Variants in DOCK1 observed in about 807,000 individuals in gnomAD.
The protein encoded by DOCK1 is dedicator of cytokinesis protein 1.
DOCK1 carries 138 observed loss-of-function variants against 262.7 expected under a neutral mutation model. The observed-to-expected ratio is 0.53, with a 90% CI of 0.46 to 0.61. DOCK1 has a LOEUF of 0.61. Among genes scored for constraint, DOCK1 ranks in the 20% least tolerant of loss-of-function variants. The pLI is 0.00. For synonymous variants in DOCK1, 866 were observed against 867.4 expected, an observed-to-expected ratio of 1.00 and a Z score of 0.03; for missense variants, 1,908 against 2,370.7, an observed-to-expected ratio of 0.80 and a Z score of 4.05.
intron 31 of DOCK1, among the ~76,000 whole-genome samples, chr10:127,350,236 TAAAAA>T (rs573442780): frequency 3.4e-4 from 50 of 147,060 alleles, no homozygotes; most frequent in African/African-American, 1.2e-3. Flanking sequence ...TTATGAAACT[TAAAAA>T]AAAAGTGGCG....
At chr10:127,114,904 A>T (rs1279034114) in intron 25 of DOCK1, among the ~76,000 whole-genome samples, 1 of 151,906 alleles carries the variant, frequency 6.6e-6, no homozygotes, top group Non-Finnish European at 1.5e-5. Context: ...CTACAGGCGC[A>T]TGCCACTACA....
At chr10:126,981,040 C>G (rs1318820898) in intron 3 of DOCK1, among the ~76,000 whole-genome samples, 1 of 151,652 alleles carries the variant, frequency 6.6e-6, no homozygotes, top group Admixed American at 6.6e-5. Context: ...CTCCACTTCC[C>G]GGGTTCAAGC....
intron 32 of DOCK1, among the ~76,000 whole-genome samples, chr10:127,356,967 G>A (rs890652807): frequency 1.3e-5 from 2 of 152,100 alleles, no homozygotes; most frequent in Non-Finnish European, 2.9e-5. Context: ...GGAATGGCTC[G>A]GTAACATTTC....
At chr10:127,237,984 T>G (rs2134655369) in intron 27 of DOCK1, among the ~76,000 whole-genome samples, 1 of 152,348 alleles carries the variant, frequency 6.6e-6, no homozygotes, top group African/African-American at 2.4e-5. Context: ...TTGCCATGTC[T>G]GCATTATCCC....
chr10:127,009,806 G>A (rs1341946809), intron 11 of DOCK1, among the ~76,000 whole-genome samples: 2 of 152,102 alleles, frequency 1.3e-5, no homozygotes, highest in Non-Finnish European at 2.9e-5. Context: ...TTGGGGGCCC[G>A]GAGATGTGAG....
chr10:127,385,663 T>C (rs1453522075), intron 38 of DOCK1, among the ~76,000 whole-genome samples: 1 of 152,222 alleles, frequency 6.6e-6, no homozygotes, highest in Non-Finnish European at 1.5e-5. Context: ...TGTATTCTCA[T>C]AGCTTAGTGC....
chr10:127,139,944 A>T (rs564344988), intron 27 of DOCK1, among the ~76,000 whole-genome samples: 11 of 152,312 alleles, frequency 7.2e-5, no homozygotes, highest in African/African-American at 2.4e-4. Context: ...TCTATTAGGG[A>T]TCTCTTCAAC....
intron 27 of DOCK1, among the ~76,000 whole-genome samples, chr10:127,173,700 G>T (rs1309135088): frequency 1.3e-5 from 2 of 151,918 alleles, no homozygotes; most frequent in Non-Finnish European, 1.5e-5. Flanking sequence ...TAATTTTTTT[G>T]CAGGAATGTG....
chr10:127,167,201 TAGAA>T (rs916391230), intron 27 of DOCK1, among the ~76,000 whole-genome samples: 1 of 152,178 alleles, frequency 6.6e-6, no homozygotes, highest in South Asian at 2.1e-4. Context: ...AAGAAAATGA[TAGAA>T]AGAATATGAA....
At chr10:127,213,710 G>A (rs992081626) in intron 27 of DOCK1, among the ~76,000 whole-genome samples, 6 of 152,154 alleles carry the variant, frequency 3.9e-5, no homozygotes, top group African/African-American at 9.7e-5. Context: ...TTAGGCTGCC[G>A]TGGCCAGCGT....
At chr10:126,951,263 G>A (rs942355642) in intron 1 of DOCK1, among the ~76,000 whole-genome samples, 3 of 151,502 alleles carry the variant, frequency 2.0e-5, no homozygotes, top group Non-Finnish European at 2.9e-5. Context: ...AGTGATAGTG[G>A]TGGTGGTAGT....
At chr10:127,348,129 A>T (rs1176645608) in intron 31 of DOCK1, among the ~76,000 whole-genome samples, 1 of 151,802 alleles carries the variant, frequency 6.6e-6, no homozygotes, top group Admixed American at 6.6e-5. Flanking sequence ...CAAATTGAGT[A>T]TGAGATTCGC....
intron 28 of DOCK1, among the ~76,000 whole-genome samples, chr10:127,251,528 C>T (rs1312216096): frequency 9.6e-6 from 1 of 104,472 alleles, no homozygotes; most frequent in Non-Finnish European, 1.8e-5. Context: ...CTATCCCTCC[C>T]CCCTCCCCCC....
chr10:127,308,468 G>A (rs2061953062), intron 29 of DOCK1, among the ~76,000 whole-genome samples: 1 of 152,174 alleles, frequency 6.6e-6, no homozygotes, highest in Non-Finnish European at 1.5e-5. Flanking sequence ...TTCAGAAGGT[G>A]CAGGTTTGTT....
At chr10:127,048,956 T>C (rs7092964) in intron 21 of DOCK1, among the ~76,000 whole-genome samples, 133,839 of 152,228 alleles carry the variant, frequency 0.88, 59,022 homozygotes, top group South Asian at 0.93. Flanking sequence ...GGAACAAACG[T>C]GGCTGTCTCT....
At chr10:127,205,770 A>G (rs2057690851) in intron 27 of DOCK1, among the ~76,000 whole-genome samples, 1 of 152,252 alleles carries the variant, frequency 6.6e-6, no homozygotes, top group East Asian at 1.9e-4. Context: ...TGAAATTTAA[A>G]TAAGCTCCGT....
In DOCK1 at chr10:127,409,091, G is replaced by T. The variant is rs756633592; in HGVS notation, c.4177G>T (p.Ala1393Ser). Reference protein sequence around the residue: ...KEYERREDFEARLLTQFPNAE... With the variant: ...KEYERREDFESRLLTQFPNAE... ...GTATGAGCGCCGGGAAGATTTTGAG[G>T]CTCGGCTCTTAACTCAGTTTCCAAA... Residue 1393 changes from alanine (A) to serine (S), a missense_variant, in exon 41 of 52, where the codon GCT (alanine) becomes TCT (serine). By Grantham distance (99) the Ala-to-Ser change is moderately conservative. Coordinates refer to ENST00000623213, the MANE Select transcript of DOCK1 (RefSeq NM_001290223.2). 4 of 1,602,508 alleles carry T rather than the reference G, an allele frequency of 2.5e-6. No individual in the cohort carries two copies. Among genetic ancestry groups the T allele is most frequent in the Non-Finnish European group, 3.4e-6 (4 of 1,174,114 alleles).
intron 29 of DOCK1, among the ~76,000 whole-genome samples, chr10:127,314,960 C>A (rs1244166045): frequency 6.6e-6 from 1 of 152,210 alleles, no homozygotes; most frequent in Admixed American, 6.5e-5. Flanking sequence ...ACAACCATGA[C>A]TGTAATAACA....
intron 27 of DOCK1, among the ~76,000 whole-genome samples, chr10:127,153,233 T>C (rs1892137): frequency 0.71 from 108,422 of 152,240 alleles, 43,253 homozygotes; most frequent in South Asian, 0.9. Flanking sequence ...GTTTTGACTA[T>C]ATCTTAAAAT....
Sources: allele counts gnomAD v4.1 joint callset (sites outside exome capture counted in the v4.1 genomes callset), GRCh38; gene constraint gnomAD v4.1.1; transcripts MANE v1.5; gene names NCBI Gene and HGNC (gene_info 2026-07-23, HGNC 2026-07-21).